TG: variants seen among roughly 807,000 people sequenced by gnomAD.
TG encodes the protein thyroid hormones.
Under a neutral mutation model 324.7 loss-of-function variants are expected in TG, and 270 were observed. The ratio of observed to expected loss-of-function variants is 0.83; its 90% CI spans 0.75 to 0.92. TG has a LOEUF of 0.92. TG is among the 40% of genes least tolerant of loss of function. TG has a pLI of 0.00. For synonymous variants in TG, 1,401 were observed against 1,327.0 expected, an observed-to-expected ratio of 1.06 and a Z score of -1.21; for missense variants, 3,591 against 3,456.4, an observed-to-expected ratio of 1.04 and a Z score of -0.98.
intron 40 of TG, among the ~76,000 whole-genome samples, chr8:133,024,882 T>C (rs1033893443): frequency 5.9e-5 from 9 of 152,206 alleles, no homozygotes; most frequent in African/African-American, 2.2e-4. Context: ...AGTGTGCATG[T>C]GTCTTTATCG....
At chr8:132,876,905 G>C (rs1390323418) in intron 5 of TG, among the ~76,000 whole-genome samples, 1 of 152,180 alleles carries the variant, frequency 6.6e-6, no homozygotes, top group African/African-American at 2.4e-5. Flanking sequence ...AAACTTCTTA[G>C]CAACCAGTCT....
intron 3 of TG, 92 bp downstream of exon 3, chr8:132,869,918 A>C (rs1410977802): frequency 3.6e-6 from 4 of 1,121,498 alleles, no homozygotes; most frequent in Admixed American, 1.9e-5. Context: ...GTGACTGAGC[A>C]GGTCCTCCCT....
intron 15 of TG, 71 bp from the exon 16 acceptor site, chr8:132,901,282 G>A (rs1817889598): frequency 6.3e-7 from 1 of 1,584,452 alleles, no homozygotes; most frequent in Non-Finnish European, 8.6e-7. Flanking sequence ...GGGTGGTGAG[G>A]AGGGTGATTG....
intron 41 of TG, chr8:133,050,971 C>T: frequency 2.0e-6 from 2 of 1,002,566 alleles, no homozygotes; most frequent in Non-Finnish European, 3.2e-6. Context: ...TCACAAGGAG[C>T]TTAAAGGTAG....
intron 20 of TG, among the ~76,000 whole-genome samples, chr8:132,917,269 C>T (rs2132429310): frequency 6.6e-6 from 1 of 152,052 alleles, no homozygotes; most frequent in Non-Finnish European, 1.5e-5. Context: ...TACATCACAG[C>T]CAGGGTGGTC....
rs1243165985 is a variant in TG at position 132,966,646 on chromosome 8, C to T, written c.5635C>T (p.Leu1879Phe). The T allele has an allele frequency of 1.2e-6, 2 of 1,614,024 alleles. No individual in the cohort carries two copies. The highest frequency in any genetic ancestry group is 2.2e-5 in the East Asian group (1 of 44,884). Residue 1879 changes from leucine (L) to phenylalanine (F), a missense_variant, in exon 30 of 48, where the codon CTT becomes TTT. Physicochemically the swap from Leu to Phe is conservative, Grantham distance 22. Coordinates refer to ENST00000220616, the MANE Select transcript of TG (RefSeq NM_003235.5). Reference protein sequence around the residue: ...NQSLSSQKHWLFKHLFSAQQA... With the variant: ...NQSLSSQKHWFFKHLFSAQQA... ...ATCACTATCCAGCCAGAAGCACTGG[C>T]TTTTCAAGCACCTGTTTTCAGCCCA... is the stretch of plus-strand genomic sequence containing the variant.
intron 8 of TG, among the ~76,000 whole-genome samples, chr8:132,885,425 A>C (rs2132149973): frequency 6.6e-6 from 1 of 151,940 alleles, no homozygotes; most frequent in South Asian, 2.1e-4. Context: ...TATTATAGGA[A>C]GTATTATATT....
intron 22 of TG, among the ~76,000 whole-genome samples, chr8:132,926,299 G>T (rs1163832782): frequency 6.6e-6 from 1 of 152,168 alleles, no homozygotes; most frequent in Non-Finnish European, 1.5e-5. Flanking sequence ...TGCCATACCT[G>T]CCTAACTCAT....
chr8:132,920,581 A>T (rs1310173683), intron 21 of TG, among the ~76,000 whole-genome samples: 2 of 152,242 alleles, frequency 1.3e-5, no homozygotes, highest in African/African-American at 4.8e-5. Context: ...CAATGACTTG[A>T]GTACTTGTAG....
At chr8:133,007,844 T>C (rs1587746512) in intron 35 of TG, among the ~76,000 whole-genome samples, 1 of 151,838 alleles carries the variant, frequency 6.6e-6, no homozygotes, top group East Asian at 1.9e-4. Context: ...AGGAATCTTC[T>C]AGTCAAATCT....
rs79229227 is a variant in TG, at chr8:133,006,328, G to A, written c.6263-5573G>A. Among the ~76,000 whole-genome samples, 208 of 152,272 alleles carry A rather than the reference G, an allele frequency of 1.4e-3. 4 individuals carry two copies. In the East Asian group the frequency reaches 0.032, roughly 23 times the overall value. On this transcript the variant is annotated intron_variant, in intron 35 of 47. Coordinates refer to ENST00000220616, the MANE Select transcript of TG (RefSeq NM_003235.5). Reference sequence around the variant, plus strand: ...TCATTTTCAAACTTGGACGTGTGTCGGAATCACCAGGAAAGTTAATAGACT... The same window carrying A: ...TCATTTTCAAACTTGGACGTGTGTCAGAATCACCAGGAAAGTTAATAGACT...
At chr8:133,049,626 C>T (rs1587882707) in intron 41 of TG, 2 of 433,592 alleles carry the variant, frequency 4.6e-6, no homozygotes, top group Non-Finnish European at 8.6e-6. Context: ...CATAACATTT[C>T]CCAGCTGTTT....
intron 31 of TG, among the ~76,000 whole-genome samples, chr8:132,969,092 T>C (rs1208110425): frequency 6.9e-6 from 1 of 145,860 alleles, no homozygotes. Flanking sequence ...TTGGGCCACC[T>C]TCACCCCCAG....
At chr8:132,939,452 G>T (rs937361857) in intron 25 of TG, among the ~76,000 whole-genome samples, 1 of 152,140 alleles carries the variant, frequency 6.6e-6, no homozygotes, top group Non-Finnish European at 1.5e-5. Context: ...AGAGAGAGAT[G>T]AATTCTAACT....
At chr8:132,898,551 G>A (rs927599925) in intron 13 of TG, among the ~76,000 whole-genome samples, 9 of 152,184 alleles carry the variant, frequency 5.9e-5, no homozygotes, top group Non-Finnish European at 1.3e-4. Flanking sequence ...TTCAGCAACC[G>A]CCTCGCCTCT....
chr8:132,880,805 C>T (rs1814550572), intron 5 of TG, among the ~76,000 whole-genome samples: 2 of 152,176 alleles, frequency 1.3e-5, no homozygotes, highest in Admixed American at 6.5e-5. Flanking sequence ...TAATGTTATA[C>T]ACACTCCCTT....
At chr8:133,090,962 C>T (rs1433660054) in intron 41 of TG, among the ~76,000 whole-genome samples, 7 of 152,156 alleles carry the variant, frequency 4.6e-5, no homozygotes, top group Non-Finnish European at 1.0e-4. Flanking sequence ...GCAGCCTAGG[C>T]TCAAATCCTG....
intron 27 of TG, among the ~76,000 whole-genome samples, chr8:132,955,112 A>G (rs542002488): frequency 6.6e-6 from 1 of 152,238 alleles, no homozygotes; most frequent in East Asian, 1.9e-4. Context: ...AGCCATTCTG[A>G]ACCTACCTAA....
chr8:132,977,119 C>T (rs1208639406), intron 34 of TG, among the ~76,000 whole-genome samples: 2 of 152,310 alleles, frequency 1.3e-5, no homozygotes, highest in East Asian at 1.9e-4. Flanking sequence ...CACCAGTATA[C>T]TGATGTAAAA....
Sources: allele counts gnomAD v4.1 joint callset (sites outside exome capture counted in the v4.1 genomes callset), GRCh38; gene constraint gnomAD v4.1.1; transcripts MANE v1.5; gene names NCBI Gene and HGNC (gene_info 2026-07-23, HGNC 2026-07-21).